UNC13C: variants seen among roughly 807,000 people sequenced by gnomAD.
UNC13C encodes the protein unc-13 homolog C.
A neutral mutation model predicts 245.4 loss-of-function variants in UNC13C; 174 were observed. The observed-to-expected ratio is 0.71, with a 90% CI of 0.63 to 0.80. UNC13C has a LOEUF of 0.80. Among genes scored for constraint, UNC13C ranks in the 30% least tolerant of loss-of-function variants. The pLI, the probability that UNC13C is intolerant of heterozygous loss-of-function variation, is 0.00. For synonymous variants in UNC13C, 992 were observed against 895.1 expected (o/e 1.11, Z -1.93); for missense variants, 2,829 against 2,602.9 (o/e 1.09, Z -1.89).
rs191764260 is a variant in UNC13C at position 54,367,904 on chromosome 15, T to C, written c.4714-25144T>C. On this transcript the variant is annotated intron_variant, in intron 17 of 32. Coordinates refer to ENST00000260323, the MANE Select transcript of UNC13C (RefSeq NM_001080534.3). ...AAGTTTGTACTTTATTTACGTTTAT[T>C]TTAAACTTAAATAGTCACATTTGGC... Among the ~76,000 whole-genome samples, 80 of 152,292 alleles carry C rather than the reference T, an allele frequency of 5.3e-4. 1 individual carries two copies. In the East Asian group the frequency reaches 0.013, roughly 25 times the overall value.
In UNC13C at chr15:54,294,066, T is replaced by A; in HGVS notation, c.3988+2T>A. 2 of 1,520,176 alleles carry A rather than the reference T, an allele frequency of 1.3e-6. No individual in the cohort carries two copies. The highest frequency in any genetic ancestry group is 1.8e-6 in the Non-Finnish European group (2 of 1,140,134). 94.2% of individuals were successfully genotyped at this position (1,520,176 alleles called of 1,614,324 possible). A position where few individuals can be genotyped will look rare whatever the true frequency, so the allele number is the denominator to read the frequency against. ...AAATGGATGTCTGGTACAACTTAGGTGATTTTTTTTTTTATCTACTTGAAA... is the reference window on the plus strand; with the variant it reads ...AAATGGATGTCTGGTACAACTTAGGAGATTTTTTTTTTTATCTACTTGAAA... On this transcript the variant is annotated splice_donor_variant, in intron 11 of 32. Transcript: ENST00000260323. LOFTEE classifies it high-confidence loss of function.
intron 19 of UNC13C, among the ~76,000 whole-genome samples, chr15:54,472,186 G>A (rs1892498287): frequency 6.6e-6 from 1 of 151,510 alleles, no homozygotes; most frequent in South Asian, 2.1e-4. Flanking sequence ...CTTTAAAACT[G>A]GCTATTTTAA....
intron 2 of UNC13C, among the ~76,000 whole-genome samples, chr15:54,091,237 G>A (rs1036375588): frequency 6.9e-4 from 105 of 152,220 alleles, no homozygotes; most frequent in African/African-American, 2.4e-3. Flanking sequence ...CTCCTCTTTC[G>A]TTAAATGATC....
chr15:54,110,391 A>G (rs75125701), intron 2 of UNC13C, among the ~76,000 whole-genome samples: 3,157 of 152,320 alleles, frequency 0.021, 96 homozygotes, highest in African/African-American at 0.068. Flanking sequence ...AGCAATACCA[A>G]TAGAGAAAAA....
At chr15:54,463,869 G>A (rs1283500664) in intron 19 of UNC13C, among the ~76,000 whole-genome samples, 4 of 152,114 alleles carry the variant, frequency 2.6e-5, no homozygotes, top group African/African-American at 4.8e-5. Flanking sequence ...ATGACAGAGG[G>A]TAAGACCATG....
At chr15:54,495,183 AAC>A (rs1239804226) in intron 20 of UNC13C, among the ~76,000 whole-genome samples, 20 of 152,050 alleles carry the variant, frequency 1.3e-4, no homozygotes, top group Admixed American at 1.1e-3. Flanking sequence ...GCCTCTTTCA[AAC>A]ACATTTTAAT....
At chr15:54,051,937 G>A (rs71474858) in intron 2 of UNC13C, among the ~76,000 whole-genome samples, 25,215 of 123,186 alleles carry the variant, frequency 0.2, 3,272 homozygotes, top group African/African-American at 0.38. Context: ...ACAGTCCCCA[G>A]AGTGTGATAT....
At chr15:54,542,572 T>C (rs1383829295) in intron 26 of UNC13C, among the ~76,000 whole-genome samples, 1 of 152,168 alleles carries the variant, frequency 6.6e-6, no homozygotes, top group Non-Finnish European at 1.5e-5. Flanking sequence ...TTCTGTCTCA[T>C]TGATCTGTCT....
At chr15:54,526,576 AAAAC>A (rs139008941) in intron 25 of UNC13C, among the ~76,000 whole-genome samples, 6,672 of 151,708 alleles carry the variant, frequency 0.044, 456 homozygotes, top group African/African-American at 0.15. Context: ...CTAAAAGTAT[AAAAC>A]AAACAAACAA....
chr15:54,448,065 T>C (rs1422725201), intron 19 of UNC13C, among the ~76,000 whole-genome samples: 3 of 152,218 alleles, frequency 2.0e-5, no homozygotes, highest in African/African-American at 7.2e-5. Flanking sequence ...TTGTTCAGTT[T>C]CCATGTAGTT....
intron 29 of UNC13C, among the ~76,000 whole-genome samples, chr15:54,558,269 T>C (rs1449528604): frequency 6.6e-6 from 1 of 151,992 alleles, no homozygotes; most frequent in Non-Finnish European, 1.5e-5. Flanking sequence ...AAAAGAATGA[T>C]TATTCACCTT....
At chr15:54,398,361 G>A (rs1386121496) in intron 18 of UNC13C, among the ~76,000 whole-genome samples, 5 of 151,056 alleles carry the variant, frequency 3.3e-5, no homozygotes, top group Non-Finnish European at 1.5e-5. Context: ...ATAAAATTTT[G>A]TTAAGTATTT....
chr15:54,212,919 T>A (rs543106883), intron 4 of UNC13C, among the ~76,000 whole-genome samples: 33 of 152,196 alleles, frequency 2.2e-4, no homozygotes, highest in African/African-American at 7.9e-4. Flanking sequence ...ATTTAAACCC[T>A]GATGGCCTTG....
At chr15:53,839,607 T>C in the UNC13C span, among the ~76,000 whole-genome samples, 2 of 152,140 alleles carry the variant, frequency 1.3e-5, no homozygotes, top group African/African-American at 2.4e-5. Flanking sequence ...ATTTTGTTTA[T>C]GTACTGTGAC....
At chr15:53,954,511 A>G in the UNC13C span, among the ~76,000 whole-genome samples, 1 of 152,224 alleles carries the variant, frequency 6.6e-6, no homozygotes. Context: ...AATTGATTCT[A>G]ACCCCAAAGC....
chr15:54,000,480 A>G (rs1300606375), intron 1 of UNC13C, among the ~76,000 whole-genome samples: 1 of 152,192 alleles, frequency 6.6e-6, no homozygotes, highest in Non-Finnish European at 1.5e-5. Flanking sequence ...GCATAAATCT[A>G]TAGTTAATTT....
At chr15:53,961,207 GA>G in the UNC13C span, among the ~76,000 whole-genome samples, 1 of 152,256 alleles carries the variant, frequency 6.6e-6, no homozygotes, top group Non-Finnish European at 1.5e-5. Context: ...CCAGCAGGGG[GA>G]TATCTGTTTC....
chr15:54,471,837 T>C (rs1433404785), intron 19 of UNC13C, among the ~76,000 whole-genome samples: 2 of 151,702 alleles, frequency 1.3e-5, no homozygotes, highest in Non-Finnish European at 3.0e-5. Context: ...GACTTGTCTG[T>C]AAGGTGAAAA....
In UNC13C at chr15:54,067,616, C is replaced by T. The variant is rs544000708; in HGVS notation, c.2983+51730C>T. On this transcript the variant is annotated intron_variant, in intron 2 of 32. Transcript: ENST00000260323. ...ACTGCAGTTTTGCAGTTTACAGTTT[C>T]GATAGATATATATTTATGAGTACCT... 8.1e-4 allele frequency among the ~76,000 whole-genome samples: 123 copies of T among 152,202 alleles called. 1 individual carries two copies. The highest frequency in any genetic ancestry group is 3.4e-3 in the Middle Eastern group (1 of 294).
Sources: gnomAD v4.1 joint callset for allele counts (sites outside exome capture counted in the v4.1 genomes callset) on GRCh38, gnomAD v4.1.1 for gene constraint, MANE v1.5 for transcripts, NCBI Gene and HGNC (gene_info 2026-07-23, HGNC 2026-07-21) for gene names.